The following PSD3 variants were observed in gnomAD, a reference collection of about 807,000 sequenced individuals.
PSD3 encodes PH and SEC7 domain-containing protein 3.
Under a neutral mutation model 105.5 loss-of-function variants are expected in PSD3, and 49 were observed. The observed-to-expected ratio is 0.46, with a 90% CI of 0.37 to 0.59. PSD3 has a LOEUF of 0.59. Among genes scored for constraint, PSD3 ranks in the 20% least tolerant of loss-of-function variants. The probability of loss-of-function intolerance (pLI) is 0.00; values close to 1 mark genes in which losing one functional copy is unlikely to be tolerated. For missense variants in PSD3, 1,561 were observed against 1,263.8 expected (o/e 1.24, Z -3.57); for synonymous variants, 557 against 457.8 (o/e 1.22, Z -2.77).
chr8:18,860,212 A>T (rs143138422), intron 4 of PSD3, among the ~76,000 whole-genome samples: 49 of 152,266 alleles, frequency 3.2e-4, no homozygotes, highest in African/African-American at 1.2e-3. Flanking sequence ...GAACACACAA[A>T]ACTTATTGAT....
intron 10 of PSD3, among the ~76,000 whole-genome samples, chr8:18,641,921 C>G (rs1267532323): frequency 1.3e-5 from 2 of 152,076 alleles, no homozygotes; most frequent in Non-Finnish European, 2.9e-5. Context: ...AAAAAGAAAG[C>G]ATGTAGTTAA....
chr8:18,801,815 G>A (rs1328932793), intron 6 of PSD3, among the ~76,000 whole-genome samples: 2 of 151,914 alleles, frequency 1.3e-5, no homozygotes, highest in Non-Finnish European at 2.9e-5. Flanking sequence ...GCGACAGAGT[G>A]AGACTCCGTT....
At chr8:18,902,994 G>A (rs1265797412) in intron 2 of PSD3, among the ~76,000 whole-genome samples, 5 of 152,152 alleles carry the variant, frequency 3.3e-5, no homozygotes, top group Admixed American at 6.5e-5. Context: ...TGTGGGGCCA[G>A]GGTCCTAGGC....
At chr8:18,640,932 C>T (rs1585471929) in intron 10 of PSD3, among the ~76,000 whole-genome samples, 1 of 152,194 alleles carries the variant, frequency 6.6e-6, no homozygotes, top group East Asian at 1.9e-4. Context: ...CTCACCTCTG[C>T]TCCTTTAGTT....
intron 2 of PSD3, among the ~76,000 whole-genome samples, chr8:18,930,149 C>T (rs1177049329): frequency 6.6e-6 from 1 of 152,224 alleles, no homozygotes; most frequent in Non-Finnish European, 1.5e-5. Context: ...AGGCACCATA[C>T]AGCAAGAACA....
At chr8:18,723,325 C>G (rs12056418) in intron 9 of PSD3, among the ~76,000 whole-genome samples, 1 of 152,160 alleles carries the variant, frequency 6.6e-6, no homozygotes, top group African/African-American at 2.4e-5. Flanking sequence ...TAGGAATGAG[C>G]TGTCATGCAA....
intron 2 of PSD3, among the ~76,000 whole-genome samples, chr8:18,873,796 G>C (rs2129457893): frequency 6.6e-6 from 1 of 152,210 alleles, no homozygotes; most frequent in African/African-American, 2.4e-5. Context: ...CAACATTTTA[G>C]ATTCTACATA....
At chr8:18,695,828 A>G (rs573363730) in intron 9 of PSD3, among the ~76,000 whole-genome samples, 1 of 152,252 alleles carries the variant, frequency 6.6e-6, no homozygotes, top group African/African-American at 2.4e-5. Context: ...GAGTTAAAAA[A>G]TGTTGTCTGT....
At chr8:18,577,314 T>A (rs574243787) in intron 12 of PSD3, among the ~76,000 whole-genome samples, 1 of 152,066 alleles carries the variant, frequency 6.6e-6, no homozygotes, top group Non-Finnish European at 1.5e-5. Context: ...GTTTTTCTTG[T>A]GGCCAATCAC....
intron 9 of PSD3, among the ~76,000 whole-genome samples, chr8:18,719,638 G>C (rs562932918): frequency 6.6e-6 from 1 of 152,204 alleles, no homozygotes; most frequent in South Asian, 2.1e-4. Context: ...AACTATTCTT[G>C]AACATTTGCA....
intron 9 of PSD3, among the ~76,000 whole-genome samples, chr8:18,684,856 T>G (rs552508418): frequency 6.6e-6 from 1 of 152,240 alleles, no homozygotes; most frequent in Non-Finnish European, 1.5e-5. Flanking sequence ...GTTCTGTCAG[T>G]GTACACAGCA....
intron 15 of PSD3, among the ~76,000 whole-genome samples, chr8:18,550,743 G>GT (rs1219239590): frequency 5.9e-5 from 9 of 152,052 alleles, no homozygotes; most frequent in African/African-American, 1.7e-4. Flanking sequence ...TTGAAAAATT[G>GT]TAAGTCAAAC....
chr8:18,968,585 T>C (rs1290550518), intron 1 of PSD3, among the ~76,000 whole-genome samples: 1 of 152,152 alleles, frequency 6.6e-6, no homozygotes, highest in Non-Finnish European at 1.5e-5. Flanking sequence ...CTTTAAAATG[T>C]TGTGGCCTGG....
chr8:18,697,204 A>G (rs1446825968), intron 9 of PSD3, among the ~76,000 whole-genome samples: 5 of 152,322 alleles, frequency 3.3e-5, no homozygotes, highest in African/African-American at 9.6e-5. Context: ...GAATATCTCA[A>G]TTTGGACTAG....
intron 12 of PSD3, among the ~76,000 whole-genome samples, chr8:18,592,076 A>C (rs1390777360): frequency 6.6e-6 from 1 of 152,202 alleles, no homozygotes; most frequent in Non-Finnish European, 1.5e-5. Context: ...ATTTCCAGAA[A>C]TTGACCGTAA....
intron 1 of PSD3, among the ~76,000 whole-genome samples, chr8:19,062,382 G>A (rs1025064252): frequency 1.3e-5 from 2 of 152,162 alleles, no homozygotes; most frequent in African/African-American, 4.8e-5. Context: ...AGTTGATGGG[G>A]TGATCATCAA....
intron 9 of PSD3, among the ~76,000 whole-genome samples, chr8:18,698,091 G>C (rs1235396258): frequency 6.6e-6 from 1 of 152,006 alleles, no homozygotes; most frequent in Non-Finnish European, 1.5e-5. Flanking sequence ...TGGGCACACA[G>C]GATGTATTTT....
At chr8:19,050,104 A>G (rs1828467583) in intron 1 of PSD3, among the ~76,000 whole-genome samples, 1 of 152,178 alleles carries the variant, frequency 6.6e-6, no homozygotes, top group Non-Finnish European at 1.5e-5. Context: ...CATTACTTAT[A>G]ATGTAGGTCA....
At chr8:18,615,435 T>C (rs1378079107) in intron 11 of PSD3, among the ~76,000 whole-genome samples, 2 of 152,100 alleles carry the variant, frequency 1.3e-5, no homozygotes, top group African/African-American at 4.8e-5. Flanking sequence ...CTTGTCCAAG[T>C]ATGCGCTCAC....
Sources: allele counts gnomAD v4.1 joint callset (sites outside exome capture counted in the v4.1 genomes callset), GRCh38; gene constraint gnomAD v4.1.1; transcripts MANE v1.5; gene names NCBI Gene and HGNC (gene_info 2026-07-23, HGNC 2026-07-21).